ZNF532: variants seen among roughly 807,000 people sequenced by gnomAD.
ZNF532 encodes the protein zinc finger protein 532.
ZNF532 carries 22 observed loss-of-function variants against 89.3 expected under a neutral mutation model. The ratio of observed to expected loss-of-function variants is 0.25; its 90% CI spans 0.18 to 0.35. The LOEUF (loss-of-function observed/expected upper bound fraction) is 0.35, where lower values mean the gene tolerates loss of function less well. ZNF532 is among the 10% of genes least tolerant of loss of function. The probability of loss-of-function intolerance (pLI) is 1.00; values close to 1 mark genes in which losing one functional copy is unlikely to be tolerated. For missense variants in ZNF532, 1,132 were observed against 1,643.4 expected (o/e 0.69, Z 5.38); for synonymous variants, 606 against 649.6 (o/e 0.93, Z 1.02).
Position 58,920,570 on chromosome 18 carries a change from A to T in ZNF532, c.2283A>T (p.Glu761Asp), listed in dbSNP as rs3737506. ...RHSLKCLECN[E>D]VFQDETSLAT... is the part of the protein sequence containing the mutation. ...GTCTAAAATGTTTGGAGTGTAATGA[A>T]GTCTTCCAGGACGAGACATCACTGG... Residue 761 changes from glutamate (E) to aspartate (D), a missense_variant, in exon 3 of 10, where the codon GAA (glutamate) becomes GAT (aspartate). By Grantham distance (45) the Glu-to-Asp change is conservative. Coordinates refer to ENST00000591808, the MANE Select transcript of ZNF532 (RefSeq NM_001375912.1). 2.5e-6 allele frequency: 4 copies of T among 1,610,740 alleles called. No homozygotes were observed. The highest frequency in any genetic ancestry group is 4.5e-5 in the East Asian group (2 of 44,790).
At position 58,880,805 on chromosome 18, in the gene ZNF532, C is replaced by A. The variant is rs183833982; in HGVS notation, c.-18+15226C>A. On this transcript the variant is annotated intron_variant, in intron 2 of 9. Transcript: ENST00000591808. ...GTGTGTGTGTATGTTTGGGGCCCCT[C>A]AGAGGTATATATCTGGCAAAATGCA... 3.4e-3 allele frequency among the ~76,000 whole-genome samples: 367 copies of A among 107,568 alleles called. 1 individual carries two copies. Among genetic ancestry groups the A allele is most frequent in the Non-Finnish European group, 6.0e-3 (283 of 46,950 alleles). 70.6% of individuals were successfully genotyped at this position (107,568 alleles called of 152,430 possible).
chr18:58,955,321 G>A (rs2064656910), intron 7 of ZNF532, among the ~76,000 whole-genome samples: 1 of 152,150 alleles, frequency 6.6e-6, no homozygotes, highest in African/African-American at 2.4e-5. Context: ...TCATCATGAG[G>A]AACATAATAC....
chr18:58,871,858 A>T (rs1336624418), intron 2 of ZNF532, among the ~76,000 whole-genome samples: 1 of 152,218 alleles, frequency 6.6e-6, no homozygotes, highest in Non-Finnish European at 1.5e-5. Flanking sequence ...TGGGGTGAGG[A>T]TACAGATTGG....
In ZNF532 at chr18:58,944,523, G is replaced by A. The variant is rs58070856; in HGVS notation, c.2706-3544G>A. Among the ~76,000 whole-genome samples the A allele has an allele frequency of 4.0e-3, 606 of 152,170 alleles. 4 individuals are homozygous for A. Among genetic ancestry groups the A allele is most frequent in the African/African-American group, 0.014 (586 of 41,524 alleles). ...TCTCTGGCCACTCCCACACCCCTGG[G>A]AGTCCAGCTACACTGGGGTTCTCAC... is the stretch of plus-strand genomic sequence containing the variant. On this transcript the variant is annotated intron_variant, in intron 5 of 9. Transcript: ENST00000591808.
At chr18:58,955,750 T>G (rs192322306) in intron 7 of ZNF532, among the ~76,000 whole-genome samples, 1 of 152,272 alleles carries the variant, frequency 6.6e-6, no homozygotes, top group African/African-American at 2.4e-5. Flanking sequence ...AGAATATATT[T>G]GGCTTTAGTG....
intron 2 of ZNF532, among the ~76,000 whole-genome samples, chr18:58,886,705 C>T (rs868856353): frequency 5.3e-5 from 8 of 152,112 alleles, no homozygotes; most frequent in Non-Finnish European, 8.8e-5. Flanking sequence ...GTGCACCAAA[C>T]GTTTTTGTAC....
At chr18:58,888,742 T>TAAA (rs2058536344) in intron 2 of ZNF532, among the ~76,000 whole-genome samples, 6 of 36,098 alleles carry the variant, frequency 1.7e-4, no homozygotes, top group African/African-American at 1.5e-3. Context: ...ATATATATAT[T>TAAA]TTATATATAT....
At position 58,890,364 on chromosome 18, in the gene ZNF532, A is replaced by C. The variant is rs1188909117; in HGVS notation, c.-18+24785A>C. ...CTGTTACAACTGGGTTTATCTAAAT[A>C]TTTGCTCTTCTTCTACCCAGAGGGC... is the stretch of plus-strand genomic sequence containing the variant. On this transcript the variant is annotated intron_variant, in intron 2 of 9. Coordinates refer to ENST00000591808, the MANE Select transcript of ZNF532 (RefSeq NM_001375912.1). Among the ~76,000 whole-genome samples the C allele has an allele frequency of 3.3e-5, 5 of 151,694 alleles. No homozygotes were observed. In the East Asian group the frequency reaches 9.7e-4, roughly 29 times the overall value.
intron 7 of ZNF532, among the ~76,000 whole-genome samples, chr18:58,969,617 A>G (rs2066263677): frequency 6.6e-6 from 1 of 152,178 alleles, no homozygotes; most frequent in Admixed American, 6.5e-5. Context: ...GCAGTTGGAA[A>G]GTTCCTATAT....
intron 4 of ZNF532, 57 bp downstream of exon 4, chr18:58,934,671 C>G (rs2062225566): frequency 8.5e-6 from 13 of 1,525,208 alleles, no homozygotes; most frequent in Non-Finnish European, 1.2e-5. Flanking sequence ...AACCGCACAG[C>G]ATTTTGAGTG....
chr18:58,878,787 G>T (rs1196861730), intron 2 of ZNF532, among the ~76,000 whole-genome samples: 2 of 152,250 alleles, frequency 1.3e-5, no homozygotes, highest in Non-Finnish European at 2.9e-5. Flanking sequence ...GAGGCCCAGG[G>T]TTAGCAGCTG....
chr18:58,921,489 C>T (rs2061079589), intron 3 of ZNF532, among the ~76,000 whole-genome samples: 1 of 152,124 alleles, frequency 6.6e-6, no homozygotes, highest in South Asian at 2.1e-4. Context: ...GATGGTGGTC[C>T]AGAAGTGTGT....
At chr18:58,977,670 T>C (rs1263421801) in intron 7 of ZNF532, 1 of 152,206 alleles carries the variant, frequency 6.6e-6, no homozygotes, top group East Asian at 1.9e-4. Flanking sequence ...GCCAACATGG[T>C]GAGACCTTGT....
At chr18:58,916,507 G>A (rs2060612759) in intron 2 of ZNF532, among the ~76,000 whole-genome samples, 3 of 152,086 alleles carry the variant, frequency 2.0e-5, no homozygotes, top group African/African-American at 7.2e-5. Flanking sequence ...TTCCGCAGGC[G>A]CCCCTCTGAG....
At chr18:58,941,776 CTTTTTTCTTCT>C (rs1568378924) in intron 5 of ZNF532, among the ~76,000 whole-genome samples, 2 of 151,844 alleles carry the variant, frequency 1.3e-5, no homozygotes, top group African/African-American at 2.4e-5. Flanking sequence ...CTTTTCTTTT[CTTTTTTCTTCT>C]TTTTTTCTTT....
At chr18:58,958,877 T>C (rs1054559792) in intron 7 of ZNF532, among the ~76,000 whole-genome samples, 2 of 152,126 alleles carry the variant, frequency 1.3e-5, no homozygotes, top group Non-Finnish European at 2.9e-5. Flanking sequence ...ATGCACAGAG[T>C]TTTACATACA....
At chr18:58,869,351 T>A (rs1043708428) in intron 2 of ZNF532, among the ~76,000 whole-genome samples, 2 of 152,194 alleles carry the variant, frequency 1.3e-5, no homozygotes, top group African/African-American at 4.8e-5. Flanking sequence ...TCTAATGGGA[T>A]GACATGCTTT....
chr18:58,938,263 C>T (rs1023755294), intron 4 of ZNF532, among the ~76,000 whole-genome samples: 4 of 152,154 alleles, frequency 2.6e-5, no homozygotes, highest in African/African-American at 9.6e-5. Flanking sequence ...TTTCTGGAGA[C>T]TTTTGTACCT....
intron 3 of ZNF532, among the ~76,000 whole-genome samples, chr18:58,928,719 T>C (rs2061721410): frequency 6.6e-6 from 1 of 152,206 alleles, no homozygotes; most frequent in African/African-American, 2.4e-5. Context: ...TTCTGAGCAG[T>C]TGACTCTTTA....
Sources: gnomAD v4.1 joint callset for allele counts (sites outside exome capture counted in the v4.1 genomes callset) on GRCh38, gnomAD v4.1.1 for gene constraint, MANE v1.5 for transcripts, NCBI Gene and HGNC (gene_info 2026-07-23, HGNC 2026-07-21) for gene names.